The following WIF1 variants were observed in gnomAD, a reference collection of about 807,000 sequenced individuals.
The protein encoded by WIF1 is Wnt inhibitory factor 1.
WIF1 carries 35 observed loss-of-function variants against 53.5 expected under a neutral mutation model. The ratio of observed to expected loss-of-function variants is 0.65; its 90% confidence interval spans 0.50 to 0.87. The LOEUF (loss-of-function observed/expected upper bound fraction) is 0.87, where lower values mean the gene tolerates loss of function less well. WIF1 is among the 40% of genes least tolerant of loss of function. WIF1 has a pLI of 0.00. For missense variants in WIF1, 467 were observed against 476.8 expected (o/e 0.98, Z 0.19); for synonymous variants, 171 against 170.4 (o/e 1.00, Z -0.03).
intron 2 of WIF1, among the ~76,000 whole-genome samples, chr12:65,096,183 C>A (rs148863866): frequency 0.013 from 1,979 of 152,162 alleles, 47 homozygotes; most frequent in African/African-American, 0.044. Context: ...AAACAAACAA[C>A]CCCATCAAAA....
intron 2 of WIF1, among the ~76,000 whole-genome samples, chr12:65,106,850 T>C (rs541739965): frequency 1.3e-5 from 2 of 152,310 alleles, no homozygotes; most frequent in South Asian, 4.1e-4. Flanking sequence ...TGGATGAACA[T>C]GGAGAGATAA....
In WIF1 at chr12:65,120,548, C is replaced by T; in HGVS notation, c.157G>A (p.Glu53Lys). Residue 53 changes from glutamate to lysine, a missense_variant, in exon 2 of 10, where the codon GAA (glutamate) becomes AAA (lysine). Coordinates refer to ENST00000286574, the MANE Select transcript of WIF1 (RefSeq NM_007191.5). ...HQARVLIGFEEDILIVSEGKM... is the reference protein window; with the variant it reads ...HQARVLIGFEKDILIVSEGKM... ...CCCTCTGAAACAATCAGGATATCTT[C>T]TTCAAATCCTGGTTTTTAAAATAAT... The T allele has an allele frequency of 6.2e-7, 1 of 1,605,266 alleles. No homozygotes were observed. Among genetic ancestry groups the T allele is most frequent in the Non-Finnish European group, 8.5e-7 (1 of 1,177,876 alleles).
At chr12:65,101,712 T>C (rs1883284154) in intron 2 of WIF1, among the ~76,000 whole-genome samples, 1 of 152,170 alleles carries the variant, frequency 6.6e-6, no homozygotes, top group South Asian at 2.1e-4. Context: ...GAGTTGAAAA[T>C]AAAAAACCCT....
chr12:65,091,424 CA>C (rs1227217701), intron 2 of WIF1, among the ~76,000 whole-genome samples: 2 of 150,358 alleles, frequency 1.3e-5, no homozygotes, highest in Non-Finnish European at 3.0e-5. Flanking sequence ...TTATACAAGG[CA>C]AAACAACAGA....
At chr12:65,059,317 G>A (rs962802554) in intron 7 of WIF1, among the ~76,000 whole-genome samples, 1 of 152,136 alleles carries the variant, frequency 6.6e-6, no homozygotes, top group Non-Finnish European at 1.5e-5. Flanking sequence ...TCATCTCTGG[G>A]TTTTAGGATT....
At chr12:65,085,259 G>A (rs1555187069) in intron 2 of WIF1, among the ~76,000 whole-genome samples, 1 of 152,072 alleles carries the variant, frequency 6.6e-6, no homozygotes, top group Non-Finnish European at 1.5e-5. Context: ...TCAAATTTTG[G>A]AATATTTGAA....
chr12:65,105,865 G>A (rs1430820081), intron 2 of WIF1, among the ~76,000 whole-genome samples: 3 of 152,158 alleles, frequency 2.0e-5, no homozygotes, highest in Admixed American at 2.0e-4. Flanking sequence ...CCATTGGACT[G>A]CTTTAGATAC....
chr12:65,072,809 AAT>A (rs1882804391), intron 3 of WIF1, among the ~76,000 whole-genome samples: 1 of 152,174 alleles, frequency 6.6e-6, no homozygotes, highest in African/African-American at 2.4e-5. Flanking sequence ...CAACAATAGG[AAT>A]ATGAGTAAAG....
chr12:65,073,665 A>C (rs1222158115), intron 3 of WIF1, among the ~76,000 whole-genome samples: 1 of 152,220 alleles, frequency 6.6e-6, no homozygotes, highest in Non-Finnish European at 1.5e-5. Context: ...AGCCTTGTAG[A>C]ATAATGAATG....
intron 2 of WIF1, chr12:65,083,688 G>C: frequency 3.1e-6 from 1 of 317,920 alleles, no homozygotes; most frequent in Non-Finnish European, 6.0e-6. Flanking sequence ...CATGTGCATG[G>C]AGCCTGGTTC....
At chr12:65,114,176 A>AT (rs56141350) in intron 2 of WIF1, among the ~76,000 whole-genome samples, 80,819 of 150,340 alleles carry the variant, frequency 0.54, 24,302 homozygotes, top group East Asian at 0.86. Context: ...TATTTTTTTT[A>AT]TTTTTTTTTG....
At chr12:65,117,302 A>G (rs1402040798) in intron 2 of WIF1, among the ~76,000 whole-genome samples, 2 of 152,216 alleles carry the variant, frequency 1.3e-5, no homozygotes, top group Non-Finnish European at 2.9e-5. Flanking sequence ...AAAGGTTTAC[A>G]TGCACATTAG....
At chr12:65,072,107 G>A (rs939323350) in intron 3 of WIF1, among the ~76,000 whole-genome samples, 1 of 151,870 alleles carries the variant, frequency 6.6e-6, no homozygotes, top group African/African-American at 2.4e-5. Context: ...AAAGAATTTT[G>A]CTTTAAAAAA....
chr12:65,051,409 C>A lies in WIF1; in HGVS notation c.1080G>T (p.Thr360=). Reference sequence around the variant, plus strand: ...GCTCCTCGGCCTTTTTAAGTGAAGGCGTGTGCTGCCTGAGCTGGGCGCCTG... The same window carrying A: ...GCTCCTCGGCCTTTTTAAGTGAAGGAGTGTGCTGCCTGAGCTGGGCGCCTG... ...RPAGAQLRQH[T]PSLKKAEERR... is the part of the protein sequence containing the mutation. Residue 360 remains threonine (T), a synonymous_variant, in exon 10 of 10, where the codon ACG becomes ACT. Coordinates refer to ENST00000286574, the MANE Select transcript of WIF1 (RefSeq NM_007191.5). 1 of 1,613,676 alleles carries A rather than the reference C, an allele frequency of 6.2e-7. No homozygotes were observed.
chr12:65,120,354 A>G (rs1317961141), intron 2 of WIF1, 63 bp downstream of exon 2: 2 of 1,547,614 alleles, frequency 1.3e-6, no homozygotes, highest in East Asian at 2.2e-5. Context: ...CACACTATAC[A>G]GTACTATTTC....
intron 2 of WIF1, among the ~76,000 whole-genome samples, chr12:65,114,582 GT>G (rs10718251): frequency 0.031 from 4,749 of 152,208 alleles, 157 homozygotes; most frequent in African/African-American, 0.083. Flanking sequence ...AATTCAAGAA[GT>G]TTTTTTAAAT....
chr12:65,112,914 C>T (rs1883454792), intron 2 of WIF1, among the ~76,000 whole-genome samples: 1 of 152,204 alleles, frequency 6.6e-6, no homozygotes, highest in Admixed American at 6.5e-5. Context: ...CCTTCCTTCC[C>T]CAGGCAGGAA....
intron 2 of WIF1, among the ~76,000 whole-genome samples, chr12:65,088,750 C>T (rs1040065735): frequency 1.3e-5 from 2 of 152,070 alleles, no homozygotes; most frequent in Non-Finnish European, 2.9e-5. Flanking sequence ...TCTCCAATCA[C>T]TTTCTCTAGT....
intron 7 of WIF1, among the ~76,000 whole-genome samples, chr12:65,060,468 T>G (rs1882595663): frequency 6.6e-6 from 1 of 152,224 alleles, no homozygotes; most frequent in African/African-American, 2.4e-5. Context: ...TCTTATATGA[T>G]TCCATTTATG....
Sources: gnomAD v4.1 joint callset for allele counts (sites outside exome capture counted in the v4.1 genomes callset) on GRCh38, gnomAD v4.1.1 for gene constraint, MANE v1.5 for transcripts, NCBI Gene and HGNC (gene_info 2026-07-23, HGNC 2026-07-21) for gene names.